The following PIK3C2G variants were observed in gnomAD, a reference collection of about 807,000 sequenced individuals.
PIK3C2G encodes phosphatidylinositol 3-kinase C2 domain-containing subunit gamma.
A neutral mutation model predicts 181.1 loss-of-function variants in PIK3C2G; 168 were observed. The observed-to-expected ratio is 0.93, with a 90% CI of 0.82 to 1.05. The LOEUF (loss-of-function observed/expected upper bound fraction) is 1.05. PIK3C2G is among the 50% of genes least tolerant of loss of function. PIK3C2G has a pLI of 0.00. For synonymous variants in PIK3C2G, 573 were observed against 592.2 expected (o/e 0.97, Z 0.47); for missense variants, 1,869 against 1,732.8 (o/e 1.08, Z -1.40).
intron 1 of PIK3C2G, among the ~76,000 whole-genome samples, chr12:18,254,093 G>A (rs1432753341): frequency 6.6e-6 from 1 of 152,050 alleles, no homozygotes; most frequent in East Asian, 1.9e-4. Flanking sequence ...ACAGATTTGA[G>A]AATAGAAGAA....
intron 20 of PIK3C2G, among the ~76,000 whole-genome samples, chr12:18,491,974 T>C (rs1455893753): frequency 6.6e-6 from 1 of 152,220 alleles, no homozygotes; most frequent in Non-Finnish European, 1.5e-5. Context: ...AACATTTCTA[T>C]TTTGATTCGA....
intron 24 of PIK3C2G, among the ~76,000 whole-genome samples, chr12:18,529,305 GTGAA>G (rs1229109295): frequency 1.3e-5 from 2 of 152,090 alleles, no homozygotes; most frequent in African/African-American, 4.8e-5. Flanking sequence ...TTCTCTTTGA[GTGAA>G]AAGGCAGGCA....
At chr12:18,356,356 G>C (rs186384570) in intron 11 of PIK3C2G, among the ~76,000 whole-genome samples, 81 of 152,274 alleles carry the variant, frequency 5.3e-4, no homozygotes, top group Middle Eastern at 3.4e-3. Context: ...CCTCACAGGA[G>C]GGGGAACACG....
At chr12:18,269,978 T>A (rs1434968272) in intron 1 of PIK3C2G, among the ~76,000 whole-genome samples, 1 of 150,802 alleles carries the variant, frequency 6.6e-6, no homozygotes, top group Non-Finnish European at 1.5e-5. Flanking sequence ...GGTGAGATCT[T>A]AGCTCACTGC....
the PIK3C2G span, among the ~76,000 whole-genome samples, chr12:18,655,064 T>A: frequency 3.0e-5 from 4 of 134,106 alleles, no homozygotes; most frequent in Non-Finnish European, 6.6e-5. Flanking sequence ...TAAAAAAAAA[T>A]ACCAGAGGCT....
the PIK3C2G span, among the ~76,000 whole-genome samples, chr12:18,700,512 CAAAAAAA>C: frequency 7.7e-4 from 52 of 67,898 alleles, no homozygotes; most frequent in Middle Eastern, 0.019. Flanking sequence ...AGCCAACGTA[CAAAAAAA>C]AAAAAAAAAA....
intron 24 of PIK3C2G, among the ~76,000 whole-genome samples, chr12:18,516,315 C>A (rs1942543761): frequency 6.7e-6 from 1 of 148,510 alleles, no homozygotes; most frequent in Non-Finnish European, 1.5e-5. Context: ...CTTTCTCCTG[C>A]CCTGCAGGGT....
At chr12:18,472,930 C>T (rs1181247593) in intron 18 of PIK3C2G, among the ~76,000 whole-genome samples, 1 of 152,132 alleles carries the variant, frequency 6.6e-6, no homozygotes, top group African/African-American at 2.4e-5. Flanking sequence ...AAACTCCTGA[C>T]CTCTGGTAAT....
chr12:18,365,848 AT>A (rs1383883337), intron 12 of PIK3C2G, among the ~76,000 whole-genome samples: 3 of 152,214 alleles, frequency 2.0e-5, no homozygotes, highest in Non-Finnish European at 4.4e-5. Context: ...CCACCTATGG[AT>A]GGCCATTCTG....
At chr12:18,314,126 A>G (rs978375785) in intron 6 of PIK3C2G, 62 bp downstream of exon 6, 14 of 818,712 alleles carry the variant, frequency 1.7e-5, no homozygotes, top group Admixed American at 5.0e-5. Context: ...CAATATTTCT[A>G]ATTTTTGAAC....
intron 16 of PIK3C2G, among the ~76,000 whole-genome samples, chr12:18,418,995 A>G (rs1444750716): frequency 6.6e-6 from 1 of 152,166 alleles, no homozygotes; most frequent in Non-Finnish European, 1.5e-5. Flanking sequence ...AGTCTATGTA[A>G]TTGGAGAAAG....
intron 32 of PIK3C2G, among the ~76,000 whole-genome samples, chr12:18,646,662 A>G (rs1207407888): frequency 1.3e-5 from 2 of 152,142 alleles, no homozygotes; most frequent in African/African-American, 4.8e-5. Context: ...GAAAGTTTCT[A>G]TCTTGTGACT....
At chr12:18,569,650 C>A (rs1281255217) in intron 29 of PIK3C2G, among the ~76,000 whole-genome samples, 3 of 152,132 alleles carry the variant, frequency 2.0e-5, no homozygotes, top group Non-Finnish European at 4.4e-5. Context: ...AATAGAATTT[C>A]CAGATTGTAG....
At chr12:18,340,366 C>T (rs191800986) in intron 9 of PIK3C2G, among the ~76,000 whole-genome samples, 9 of 152,242 alleles carry the variant, frequency 5.9e-5, no homozygotes, top group Admixed American at 3.9e-4. Flanking sequence ...ATGTCATCCT[C>T]GGCCACATGT....
chr12:18,549,059 A>T (rs1944591347), intron 26 of PIK3C2G, among the ~76,000 whole-genome samples: 1 of 152,008 alleles, frequency 6.6e-6, no homozygotes, highest in African/African-American at 2.4e-5. Context: ...TTCTGATCTA[A>T]CTTTTAATCC....
intron 18 of PIK3C2G, among the ~76,000 whole-genome samples, chr12:18,453,292 C>T (rs1947463505): frequency 6.6e-6 from 1 of 152,090 alleles, no homozygotes; most frequent in Non-Finnish European, 1.5e-5. Context: ...GCATTATTTC[C>T]TTTACCATTA....
At chr12:18,649,031 G>A (rs763104388), downstream of PIK3C2G, among the ~76,000 whole-genome samples, 6 of 152,010 alleles carry the variant, frequency 3.9e-5, no homozygotes, top group Non-Finnish European at 7.4e-5. Context: ...TTGAGTATGT[G>A]ATATGAGCTG....
intron 18 of PIK3C2G, among the ~76,000 whole-genome samples, chr12:18,425,662 T>G (rs911620077): frequency 2.6e-5 from 4 of 152,144 alleles, no homozygotes; most frequent in Non-Finnish European, 5.9e-5. Context: ...AGTGCTGGGA[T>G]TACAGGTGTG....
chr12:18,576,889 G>A (rs1428160496), intron 29 of PIK3C2G, among the ~76,000 whole-genome samples: 2 of 152,186 alleles, frequency 1.3e-5, no homozygotes, highest in Non-Finnish European at 2.9e-5. Flanking sequence ...TAGCTGTAAA[G>A]GAAAGTGCTA....
Sources: gnomAD v4.1 joint callset for allele counts (sites outside exome capture counted in the v4.1 genomes callset) on GRCh38, gnomAD v4.1.1 for gene constraint, MANE v1.5 for transcripts, NCBI Gene and HGNC (gene_info 2026-07-23, HGNC 2026-07-21) for gene names.